The following QRICH1 variants were observed in gnomAD, a reference collection of about 807,000 sequenced individuals.
The protein encoded by QRICH1 is glutamine rich 1.
Under a neutral mutation model 87.1 loss-of-function variants are expected in QRICH1, and 16 were observed. The observed-to-expected ratio is 0.18, with a 90% CI of 0.12 to 0.28. The LOEUF is 0.28. QRICH1 is among the 10% of genes least tolerant of loss of function. The pLI, the probability that QRICH1 is intolerant of heterozygous loss-of-function variation, is 1.00. For synonymous variants in QRICH1, 367 were observed against 368.4 expected (o/e 1.00, Z 0.05); for missense variants, 647 against 951.7 (o/e 0.68, Z 4.21).
intron 1 of QRICH1, among the ~76,000 whole-genome samples, chr3:49,078,694 CTT>C (rs57367580): frequency 8.9e-5 from 7 of 78,908 alleles, no homozygotes; most frequent in African/African-American, 3.3e-4. Flanking sequence ...CACACCTGTC[CTT>C]TTTTTTTTTT....
intron 1 of QRICH1, 148 bp from the exon 2 acceptor site, chr3:49,077,186 T>G (rs1282351353): frequency 2.3e-6 from 1 of 431,836 alleles, no homozygotes; most frequent in African/African-American, 2.0e-5. Flanking sequence ...CACCTTATTT[T>G]TTCAATTAAT....
chr3:49,037,414 A>G (rs766493638), intron 6 of QRICH1, among the ~76,000 whole-genome samples: 60 of 152,182 alleles, frequency 3.9e-4, no homozygotes, highest in Non-Finnish European at 7.3e-4. Flanking sequence ...GTAAGACAAA[A>G]GGGAGGGGGG....
chr3:49,055,886 C>T (rs182787281), intron 3 of QRICH1, among the ~76,000 whole-genome samples: 4 of 152,232 alleles, frequency 2.6e-5, no homozygotes, highest in African/African-American at 4.8e-5. Context: ...ACCATGTTGG[C>T]CAAGCTGATC....
At chr3:49,059,171 T>C (rs1223297979) in intron 2 of QRICH1, among the ~76,000 whole-genome samples, 1 of 150,888 alleles carries the variant, frequency 6.6e-6, no homozygotes, top group African/African-American at 2.4e-5. Context: ...TTCACCATGT[T>C]AGCCAGGATG....
chr3:49,081,179 G>A (rs2042052302), intron 1 of QRICH1, among the ~76,000 whole-genome samples: 2 of 152,020 alleles, frequency 1.3e-5, no homozygotes, highest in South Asian at 2.1e-4. Flanking sequence ...CACTTTGGGA[G>A]GCTGAGCTGG....
chr3:49,039,464 T>C (rs1381486019), intron 6 of QRICH1, among the ~76,000 whole-genome samples: 1 of 150,770 alleles, frequency 6.6e-6, no homozygotes, highest in African/African-American at 2.4e-5. Context: ...GCCGATCACT[T>C]GAGGCCAGAA....
chr3:49,055,173 A>G (rs1693302566), intron 3 of QRICH1, among the ~76,000 whole-genome samples: 1 of 152,206 alleles, frequency 6.6e-6, no homozygotes, highest in Admixed American at 6.5e-5. Flanking sequence ...GGATAATATG[A>G]TACTGCCTCT....
At position 49,079,467 on chromosome 3, in the gene QRICH1, T is replaced by C. The variant is rs541325017; in HGVS notation, c.-21-2429A>G. Reference sequence around the variant, plus strand: ...TTACAATTATGTAATATAAATATAATTTTTACATAAATATAAAAATATTAT... The same window carrying C: ...TTACAATTATGTAATATAAATATAACTTTTACATAAATATAAAAATATTAT... On this transcript the variant is annotated intron_variant, in intron 1 of 9. Coordinates refer to ENST00000395443, the MANE Select transcript of QRICH1 (RefSeq NM_198880.3). Among the ~76,000 whole-genome samples, 291 of 147,974 alleles carry C rather than the reference T, an allele frequency of 2.0e-3. 3 individuals are homozygous for C. The Middle Eastern group carries it at 0.022, about 11-fold the overall frequency.
chr3:49,050,986 T>G (rs557793221), intron 3 of QRICH1, among the ~76,000 whole-genome samples: 3 of 152,176 alleles, frequency 2.0e-5, no homozygotes, highest in African/African-American at 7.2e-5. Flanking sequence ...ATTAAAAAGT[T>G]TGTCACCAAT....
chr3:49,055,841 G>C (rs1169839242), intron 3 of QRICH1, among the ~76,000 whole-genome samples: 1 of 151,950 alleles, frequency 6.6e-6, no homozygotes, highest in Non-Finnish European at 1.5e-5. Flanking sequence ...ACCACACCCG[G>C]CTAATTTTTG....
chr3:49,071,323 G>A (rs1394888011), intron 2 of QRICH1, among the ~76,000 whole-genome samples: 1 of 152,102 alleles, frequency 6.6e-6, no homozygotes, highest in African/African-American at 2.4e-5. Flanking sequence ...TGGGATTACA[G>A]GCATGAACCA....
At chr3:49,056,176 A>G (rs1052200041) in intron 3 of QRICH1, among the ~76,000 whole-genome samples, 1 of 151,758 alleles carries the variant, frequency 6.6e-6, no homozygotes. Flanking sequence ...TGGTTTCATC[A>G]TATTGGCCAG....
chr3:49,034,869 T>A (rs1026127878), intron 6 of QRICH1, among the ~76,000 whole-genome samples: 8 of 152,188 alleles, frequency 5.3e-5, no homozygotes, highest in Non-Finnish European at 2.9e-5. Context: ...AACAGTATTC[T>A]CCTGCAGGGT....
chr3:49,038,942 G>A (rs2093293075), intron 6 of QRICH1, among the ~76,000 whole-genome samples: 1 of 152,082 alleles, frequency 6.6e-6, no homozygotes, highest in African/African-American at 2.4e-5. Flanking sequence ...CAGAAGAACT[G>A]CTTGAATCCA....
At chr3:49,055,625 A>G (rs1012110815) in intron 3 of QRICH1, among the ~76,000 whole-genome samples, 4 of 152,060 alleles carry the variant, frequency 2.6e-5, no homozygotes, top group African/African-American at 9.7e-5. Context: ...AGCCTCCCAG[A>G]CTGCTGGGAT....
At chr3:49,051,335 A>ACT (rs2093368899) in intron 3 of QRICH1, among the ~76,000 whole-genome samples, 1 of 151,648 alleles carries the variant, frequency 6.6e-6, no homozygotes, top group Non-Finnish European at 1.5e-5. Flanking sequence ...TGTCCTTTGC[A>ACT]CTCTGCTCGG....
intron 1 of QRICH1, among the ~76,000 whole-genome samples, chr3:49,087,863 T>C (rs1175257938): frequency 6.8e-6 from 1 of 147,740 alleles, no homozygotes; most frequent in Non-Finnish European, 1.5e-5. Flanking sequence ...TATGCTTCTT[T>C]GAAATAACTC....
At chr3:49,080,007 C>G (rs1224919106) in intron 1 of QRICH1, among the ~76,000 whole-genome samples, 1 of 146,048 alleles carries the variant, frequency 6.8e-6, no homozygotes, top group Non-Finnish European at 1.5e-5. Context: ...CCAGCCTGGG[C>G]GCCAGACTGA....
At chr3:49,033,443 C>T (rs1181359728) in intron 6 of QRICH1, 5 of 375,660 alleles carry the variant, frequency 1.3e-5, no homozygotes, top group African/African-American at 8.3e-5. Flanking sequence ...ATGAGCACTT[C>T]TAACACCACA....
Sources: gnomAD v4.1 joint callset for allele counts (sites outside exome capture counted in the v4.1 genomes callset) on GRCh38, gnomAD v4.1.1 for gene constraint, MANE v1.5 for transcripts, NCBI Gene and HGNC (gene_info 2026-07-23, HGNC 2026-07-21) for gene names.